The following ANKRD36 variants were observed in gnomAD, a reference collection of about 807,000 sequenced individuals.
ANKRD36 encodes ankyrin repeat domain 36.
Under a neutral mutation model 278.1 loss-of-function variants are expected in ANKRD36, and 179 were observed. The observed-to-expected ratio is 0.64, with a 90% CI of 0.57 to 0.73. The LOEUF (loss-of-function observed/expected upper bound fraction) is 0.73, where lower values mean the gene tolerates loss of function less well. ANKRD36 is among the 30% of genes least tolerant of loss of function. The pLI is 0.00. For synonymous variants in ANKRD36, 320 were observed against 641.1 expected, an observed-to-expected ratio of 0.50 and a Z score of 7.57; for missense variants, 1,159 against 1,956.7, an observed-to-expected ratio of 0.59 and a Z score of 7.69.
chr2:97,192,221 A>T (rs371761670), intron 36 of ANKRD36, among the ~76,000 whole-genome samples: 2 of 151,388 alleles, frequency 1.3e-5, no homozygotes, highest in African/African-American at 2.4e-5. Flanking sequence ...AAGAAACTTT[A>T]GGAAGGCTAA....
At chr2:97,220,533 C>T (rs1191116478) in intron 66 of ANKRD36, among the ~76,000 whole-genome samples, 1 of 151,336 alleles carries the variant, frequency 6.6e-6, no homozygotes, top group Non-Finnish European at 1.5e-5. Flanking sequence ...GACATAATGT[C>T]CTCCTGTTCC....
chr2:97,146,671 A>C (rs1051873202), intron 11 of ANKRD36, among the ~76,000 whole-genome samples, 155 bp downstream of exon 11: 1 of 151,918 alleles, frequency 6.6e-6, no homozygotes, highest in Admixed American at 6.6e-5. Flanking sequence ...TTTACAAATT[A>C]TTTGTGCTGT....
In ANKRD36 at chr2:97,217,009, A is replaced by T. The variant is rs1238961396; in HGVS notation, c.3674-168A>T. On this transcript the variant is annotated intron_variant, in intron 62 of 75. Transcript: ENST00000420699. ...TTTTTCATGAAGGCTGTATTACTTTATTCAGTGTATTTCTGTCATGTTCCA... is the reference window on the plus strand; with the variant it reads ...TTTTTCATGAAGGCTGTATTACTTTTTTCAGTGTATTTCTGTCATGTTCCA... The T allele has an allele frequency of 3.9e-5, 53 of 1,367,614 alleles. 1 individual carries two copies. In the African/African-American group the frequency reaches 4.9e-4, roughly 13 times the overall value. The allele number at this position is 1,367,614 out of a possible 1,614,324, so 84.7% of individuals were successfully genotyped here. A position where few individuals can be genotyped will look rare whatever the true frequency, so the allele number is the denominator to read the frequency against.
intron 6 of ANKRD36, among the ~76,000 whole-genome samples, chr2:97,134,583 A>G (rs2041001853): frequency 6.6e-6 from 1 of 152,090 alleles, no homozygotes; most frequent in Non-Finnish European, 1.5e-5. Flanking sequence ...GACAGTCTAT[A>G]TTATTATAAC....
intron 66 of ANKRD36, among the ~76,000 whole-genome samples, chr2:97,220,775 A>ATTTTTT (rs58512786): frequency 6.1e-4 from 38 of 62,698 alleles, no homozygotes; most frequent in African/African-American, 1.3e-3. Flanking sequence ...TTTTTTTTTA[A>ATTTTTT]TTTTTTTTTT....
At chr2:97,226,093 A>C (rs1483296234) in intron 67 of ANKRD36, among the ~76,000 whole-genome samples, 1 of 151,694 alleles carries the variant, frequency 6.6e-6, no homozygotes, top group African/African-American at 2.4e-5. Context: ...ATATGTGTGC[A>C]TGTGTCTTTA....
chr2:97,227,575 G>A (rs1214657409), intron 67 of ANKRD36, among the ~76,000 whole-genome samples: 2 of 152,054 alleles, frequency 1.3e-5, no homozygotes, highest in Non-Finnish European at 2.9e-5. Context: ...CTGCAAACAG[G>A]GACAATTTGA....
At chr2:97,122,094 A>C (rs1306974703) in intron 3 of ANKRD36, among the ~76,000 whole-genome samples, 4 of 108,976 alleles carry the variant, frequency 3.7e-5, no homozygotes, top group Non-Finnish European at 4.8e-5. Context: ...CTCAGATGAC[A>C]ATGTCAGGTG....
intron 38 of ANKRD36, 96 bp downstream of exon 38, chr2:97,193,149 C>T: frequency 3.4e-6 from 4 of 1,189,726 alleles, no homozygotes; most frequent in South Asian, 1.5e-5. Context: ...TGAAGCTGCA[C>T]ATTCTGATTC....
intron 3 of ANKRD36, among the ~76,000 whole-genome samples, chr2:97,121,516 T>A (rs546761702): frequency 6.6e-6 from 1 of 152,208 alleles, no homozygotes; most frequent in Admixed American, 6.6e-5. Flanking sequence ...GGCACACTCC[T>A]GTAGTCCCAG....
intron 67 of ANKRD36, among the ~76,000 whole-genome samples, chr2:97,229,927 G>A (rs1447527388): frequency 3.9e-5 from 6 of 152,038 alleles, no homozygotes; most frequent in Non-Finnish European, 2.9e-5. Context: ...GAAATTCTGG[G>A]TTGAAAATTC....
At chr2:97,210,352 AAG>A (rs1359971469) in intron 56 of ANKRD36, among the ~76,000 whole-genome samples, 1 of 151,834 alleles carries the variant, frequency 6.6e-6, no homozygotes, top group African/African-American at 2.4e-5. Flanking sequence ...AAGGCGGAAT[AAG>A]AGGAATTCTT....
At chr2:97,206,590 G>A (rs1471118712) in intron 52 of ANKRD36, among the ~76,000 whole-genome samples, 2 of 151,380 alleles carry the variant, frequency 1.3e-5, no homozygotes, top group Admixed American at 1.3e-4. Context: ...CAAAGAAGAC[G>A]GATTGTGAGG....
intron 64 of ANKRD36, among the ~76,000 whole-genome samples, chr2:97,218,036 A>C (rs2066426750): frequency 6.6e-6 from 1 of 152,094 alleles, no homozygotes; most frequent in Admixed American, 6.6e-5. Flanking sequence ...ACAGTGCCTC[A>C]TTATTCATGT....
At chr2:97,142,862 A>T in intron 8 of ANKRD36, 27 bp downstream of exon 8, 1 of 1,543,764 alleles carries the variant, frequency 6.5e-7, no homozygotes, top group Non-Finnish European at 8.7e-7. Context: ...ATTTAATGTC[A>T]TGTTCACTCA....
intron 3 of ANKRD36, 56 bp from the exon 4 acceptor site, chr2:97,122,831 G>C: frequency 6.8e-7 from 1 of 1,468,232 alleles, no homozygotes; most frequent in Non-Finnish European, 9.2e-7. Context: ...AAGGTTTTCA[G>C]TTCAGTTGAT....
At chr2:97,156,983 G>A (rs1027779886) in intron 15 of ANKRD36, among the ~76,000 whole-genome samples, 4 of 151,684 alleles carry the variant, frequency 2.6e-5, no homozygotes, top group Non-Finnish European at 5.9e-5. Context: ...GATGGTGAGC[G>A]TTTTTTTCAT....
rs1320445859 is a variant in ANKRD36, at chr2:97,261,319, A to G, written c.*7-3010A>G. 3.1e-5 allele frequency among the ~76,000 whole-genome samples: 4 copies of G among 129,240 alleles called. 2 individuals carry two copies. The highest frequency in any genetic ancestry group is 1.3e-4 in the African/African-American group (4 of 30,344). 84.8% of individuals were successfully genotyped at this position (129,240 alleles called of 152,430 possible). The stretch of plus-strand genomic sequence containing the variant: ...TACAATTCATCTGGCAGATGGAACC[A>G]TAGTTTGACACTACCAGTCTTATGT... On this transcript the variant is annotated intron_variant, in intron 75 of 75. Transcript: ENST00000420699.
rs1368477321 is a variant in ANKRD36 at position 97,218,364 on chromosome 2, T to C, written c.3776-686T>C. Among the ~76,000 whole-genome samples, 4 of 145,346 alleles carry C rather than the reference T, an allele frequency of 2.8e-5. No homozygotes were observed. In the South Asian group the frequency reaches 7.7e-4, roughly 28 times the overall value. On this transcript the variant is annotated intron_variant, in intron 64 of 75. Coordinates refer to ENST00000420699, the MANE Select transcript of ANKRD36 (RefSeq NM_001354587.1). ...AATATGTATAATTTATTATACTTTT[T>C]GATGGGGTTTATATATTATACCTTC...
Sources: allele counts gnomAD v4.1 joint callset (sites outside exome capture counted in the v4.1 genomes callset), GRCh38; gene constraint gnomAD v4.1.1; transcripts MANE v1.5; gene names NCBI Gene and HGNC (gene_info 2026-07-23, HGNC 2026-07-21).